Variants in GARRE1 observed in about 807,000 individuals in gnomAD.
GARRE1 encodes granule associated Rac and RHOG effector protein 1.
GARRE1 carries 49 observed loss-of-function variants against 103.2 expected under a neutral mutation model. The observed-to-expected ratio is 0.47, with a 90% CI of 0.38 to 0.60. GARRE1 has a LOEUF of 0.60. GARRE1 is among the 20% of genes least tolerant of loss of function. GARRE1 has a pLI of 0.00. For synonymous variants in GARRE1, 505 were observed against 532.8 expected (o/e 0.95, Z 0.72); for missense variants, 1,199 against 1,370.5 (o/e 0.87, Z 1.98).
At chr19:34,302,291 C>T (rs1200023854) in intron 2 of GARRE1, among the ~76,000 whole-genome samples, 4 of 74,556 alleles carry the variant, frequency 5.4e-5, no homozygotes, top group Admixed American at 2.0e-4. Context: ...CGCGCCCAGC[C>T]GTTTTTTTTT....
chr19:34,283,523 TTATATG>T, intron 1 of GARRE1, among the ~76,000 whole-genome samples: 1 of 152,168 alleles, frequency 6.6e-6, no homozygotes, highest in East Asian at 1.9e-4. Flanking sequence ...TCTAAGTGCT[TTATATG>T]TATAAACCCA....
intron 2 of GARRE1, among the ~76,000 whole-genome samples, chr19:34,317,724 C>T (rs1228480449): frequency 3.9e-5 from 6 of 152,218 alleles, no homozygotes; most frequent in African/African-American, 1.2e-4. Flanking sequence ...TGTAGCCTTT[C>T]TATGCCTTGA....
chr19:34,268,019 G>T (rs888090933), intron 1 of GARRE1, among the ~76,000 whole-genome samples: 1 of 151,266 alleles, frequency 6.6e-6, no homozygotes, highest in South Asian at 2.1e-4. Context: ...TGATCCACCC[G>T]CCTTGGCCTC....
chr19:34,294,312 C>T (rs914945667), intron 1 of GARRE1, among the ~76,000 whole-genome samples: 1 of 151,192 alleles, frequency 6.6e-6, no homozygotes, highest in Admixed American at 6.6e-5. Context: ...AGGTCCTGGC[C>T]CCTGAGGAGG....
intron 1 of GARRE1, among the ~76,000 whole-genome samples, chr19:34,256,742 A>AAG (rs1568518469): frequency 2.6e-5 from 4 of 152,190 alleles, no homozygotes; most frequent in African/African-American, 9.7e-5. Flanking sequence ...TACAAAGTTC[A>AAG]TATTTACATT....
intron 9 of GARRE1, among the ~76,000 whole-genome samples, chr19:34,340,494 G>C (rs889118099): frequency 1.8e-5 from 2 of 112,812 alleles, no homozygotes; most frequent in African/African-American, 3.1e-5. Flanking sequence ...TTTGTCTTTG[G>C]TCTTGTCATC....
intron 3 of GARRE1, among the ~76,000 whole-genome samples, chr19:34,320,743 A>G (rs1225138984): frequency 2.7e-5 from 4 of 147,600 alleles, no homozygotes; most frequent in African/African-American, 1.0e-4. Context: ...TTTTTTTGAG[A>G]CAGGGTCTTG....
chr19:34,303,684 C>T (rs1409810560), intron 2 of GARRE1, among the ~76,000 whole-genome samples: 1 of 152,032 alleles, frequency 6.6e-6, no homozygotes, highest in Non-Finnish European at 1.5e-5. Context: ...GGCGTGATCT[C>T]GGCTCACTGC....
chr19:34,300,575 G>T lies in GARRE1; in HGVS notation c.102G>T (p.Met34Ile), dbSNP rs2073972663. Reference protein sequence around the residue: ...QKVQQHQQYPMPELGRALSAP... With the variant: ...QKVQQHQQYPIPELGRALSAP... ...TGCAGCAGCACCAGCAATACCCGAT[G>T]CCTGAGCTGGGCCGAGCACTGAGTG... The change falls in exon 2 of 14, where the codon ATG (methionine) becomes ATT (isoleucine). Residue 34 changes from methionine (M) to isoleucine (I), a missense_variant. Coordinates refer to ENST00000299505, the MANE Select transcript of GARRE1 (RefSeq NM_014686.5). 6.2e-7 allele frequency: 1 copy of T among 1,613,366 alleles called. No homozygotes were observed. The highest frequency in any genetic ancestry group is 8.5e-7 in the Non-Finnish European group (1 of 1,180,044).
In GARRE1 at chr19:34,349,040, G is replaced by C. The variant is rs149791226; in HGVS notation, c.2712G>C (p.Ser904=). 1.9e-6 allele frequency: 3 copies of C among 1,611,922 alleles called. No individual in the cohort carries two copies. The highest frequency in any genetic ancestry group is 1.7e-5 in the Admixed American group (1 of 59,984). ...TEGDGLHGGW[S]GAQGDSASSS... Reference sequence around the variant, plus strand: ...GGGATGGCCTGCACGGTGGCTGGTCGGGTGCTCAGGGAGACTCTGCCAGCT... The same window carrying C: ...GGGATGGCCTGCACGGTGGCTGGTCCGGTGCTCAGGGAGACTCTGCCAGCT... Residue 904 remains serine, a synonymous_variant, in exon 12 of 14, where the codon TCG becomes TCC. Transcript: ENST00000299505.
chr19:34,315,179 T>G (rs1365270183), intron 2 of GARRE1, among the ~76,000 whole-genome samples: 1 of 152,206 alleles, frequency 6.6e-6, no homozygotes, highest in Non-Finnish European at 1.5e-5. Context: ...GAACTTGAGT[T>G]CATGAAGTTG....
At chr19:34,330,164 G>A (rs775498142) in intron 6 of GARRE1, 25 bp from the exon 7 acceptor site, 1 of 1,605,810 alleles carries the variant, frequency 6.2e-7, no homozygotes, top group Non-Finnish European at 8.5e-7. Flanking sequence ...CTTGAGGTGT[G>A]AACTCTCTTC....
intron 1 of GARRE1, among the ~76,000 whole-genome samples, chr19:34,267,182 C>T (rs1392639491): frequency 6.6e-6 from 1 of 152,086 alleles, no homozygotes; most frequent in Non-Finnish European, 1.5e-5. Flanking sequence ...GGGAAGTTGC[C>T]TGAGCCCGGG....
intron 2 of GARRE1, among the ~76,000 whole-genome samples, chr19:34,307,399 C>G (rs1389814959): frequency 2.6e-5 from 4 of 151,932 alleles, no homozygotes; most frequent in Admixed American, 2.0e-4. Flanking sequence ...CCAGGGCAGC[C>G]ATGGGGCTCC....
chr19:34,334,540 A>G (rs1881079096), intron 8 of GARRE1, among the ~76,000 whole-genome samples: 1 of 151,872 alleles, frequency 6.6e-6, no homozygotes, highest in Non-Finnish European at 1.5e-5. Context: ...CTCTACTAAA[A>G]ATACAAAAAC....
chr19:34,292,613 T>C (rs1448124265), intron 1 of GARRE1, among the ~76,000 whole-genome samples: 2 of 152,210 alleles, frequency 1.3e-5, no homozygotes, highest in African/African-American at 2.4e-5. Context: ...TCTCACTCTG[T>C]TACCCAGGCT....
intron 1 of GARRE1, among the ~76,000 whole-genome samples, chr19:34,298,675 A>C (rs923306665): frequency 6.6e-6 from 1 of 152,112 alleles, no homozygotes; most frequent in African/African-American, 2.4e-5. Context: ...ACGCCACTGC[A>C]CTCCAGCCTG....
At chr19:34,341,168 C>G (rs1224618646) in intron 9 of GARRE1, among the ~76,000 whole-genome samples, 1 of 152,112 alleles carries the variant, frequency 6.6e-6, no homozygotes, top group African/African-American at 2.4e-5. Flanking sequence ...CCCTCCTGTG[C>G]CACCATTAGA....
At chr19:34,346,512 A>G (rs937478436) in intron 10 of GARRE1, among the ~76,000 whole-genome samples, 17 of 152,170 alleles carry the variant, frequency 1.1e-4, no homozygotes, top group Non-Finnish European at 2.1e-4. Context: ...GGCTGACCCC[A>G]ATGCTTTGAT....
Sources: allele counts gnomAD v4.1 joint callset (sites outside exome capture counted in the v4.1 genomes callset), GRCh38; gene constraint gnomAD v4.1.1; transcripts MANE v1.5; gene names NCBI Gene and HGNC (gene_info 2026-07-23, HGNC 2026-07-21).